Variants in OPCML observed in about 807,000 individuals in gnomAD.
OPCML encodes opioid-binding protein/cell adhesion molecule.
Under a neutral mutation model 37.8 loss-of-function variants are expected in OPCML, and 13 were observed. That is an observed-to-expected ratio of 0.34 (90% CI 0.22 to 0.55). OPCML has a LOEUF of 0.55. OPCML is among the 20% of genes least tolerant of loss of function. The pLI is 0.91. For synonymous variants in OPCML, 176 were observed against 168.8 expected, an observed-to-expected ratio of 1.04 and a Z score of -0.33; for missense variants, 341 against 435.6, an observed-to-expected ratio of 0.78 and a Z score of 1.93.
intron 4 of OPCML, chr11:132,525,752 G>A (rs2096306454): frequency 6.6e-6 from 1 of 152,146 alleles, no homozygotes; most frequent in African/African-American, 2.4e-5. Context: ...AGAACATGCA[G>A]TTTTGTTACA....
chr11:132,723,856 G>A (rs913333210), intron 2 of OPCML, among the ~76,000 whole-genome samples: 3 of 152,172 alleles, frequency 2.0e-5, no homozygotes, highest in Admixed American at 6.5e-5. Context: ...CTGCTCCAGG[G>A]AAAATGAAAA....
intron 2 of OPCML, among the ~76,000 whole-genome samples, chr11:132,871,016 C>G (rs986558195): frequency 6.6e-6 from 1 of 152,052 alleles, no homozygotes; most frequent in African/African-American, 2.4e-5. Context: ...AACAATGTTT[C>G]CTGTTCCTGA....
intron 1 of OPCML, among the ~76,000 whole-genome samples, chr11:133,240,212 CAAAAAAA>C (rs35643678): frequency 3.0e-5 from 2 of 66,054 alleles, no homozygotes; most frequent in East Asian, 4.4e-4. Flanking sequence ...ACACTTGGGG[CAAAAAAA>C]AAAAAAAAAA....
chr11:132,514,879 A>G (rs73586948), intron 4 of OPCML, among the ~76,000 whole-genome samples: 3 of 152,102 alleles, frequency 2.0e-5, no homozygotes, highest in Non-Finnish European at 4.4e-5. Context: ...AGTGGCTCAG[A>G]TCTTCACCAG....
At chr11:132,669,652 T>A (rs1044831509) in intron 2 of OPCML, among the ~76,000 whole-genome samples, 1 of 152,222 alleles carries the variant, frequency 6.6e-6, no homozygotes, top group Non-Finnish European at 1.5e-5. Flanking sequence ...TCTTCCATCG[T>A]GACTCACTTA....
chr11:132,522,295 C>A (rs2096295854), intron 4 of OPCML, among the ~76,000 whole-genome samples: 1 of 152,036 alleles, frequency 6.6e-6, no homozygotes, highest in African/African-American at 2.4e-5. Flanking sequence ...TACACTCAGG[C>A]CAAAGAAATG....
chr11:132,636,127 G>C (rs1940481153), intron 3 of OPCML, among the ~76,000 whole-genome samples: 1 of 152,054 alleles, frequency 6.6e-6, no homozygotes, highest in South Asian at 2.1e-4. Flanking sequence ...CAGATTTTTA[G>C]GGTCGATGTA....
intron 2 of OPCML, among the ~76,000 whole-genome samples, chr11:132,681,887 G>C (rs979517297): frequency 1.3e-5 from 2 of 151,858 alleles, no homozygotes; most frequent in African/African-American, 4.8e-5. Context: ...CCCGGGAGGT[G>C]GAGCTTGCAG....
intron 3 of OPCML, among the ~76,000 whole-genome samples, chr11:132,635,763 C>G (rs1172400237): frequency 6.6e-6 from 1 of 152,128 alleles, no homozygotes; most frequent in African/African-American, 2.4e-5. Context: ...CTTAAGATTT[C>G]TTCTATTCAC....
At chr11:133,046,538 G>A (rs1215428003) in intron 1 of OPCML, among the ~76,000 whole-genome samples, 1 of 152,112 alleles carries the variant, frequency 6.6e-6, no homozygotes, top group African/African-American at 2.4e-5. Context: ...ACATCAGACA[G>A]CATCATAGGC....
At chr11:132,840,635 AATT>A (rs1941246160) in intron 2 of OPCML, among the ~76,000 whole-genome samples, 2 of 152,162 alleles carry the variant, frequency 1.3e-5, no homozygotes, top group Non-Finnish European at 2.9e-5. Flanking sequence ...GGTGTCATAA[AATT>A]ATTATCACAA....
chr11:132,929,659 A>G (rs1945130132), intron 2 of OPCML, among the ~76,000 whole-genome samples: 1 of 152,204 alleles, frequency 6.6e-6, no homozygotes, highest in African/African-American at 2.4e-5. Flanking sequence ...TAATGCAAAA[A>G]TCTTTCACAA....
chr11:132,722,280 T>C, intron 2 of OPCML, among the ~76,000 whole-genome samples: 1 of 151,792 alleles, frequency 6.6e-6, no homozygotes, highest in East Asian at 1.9e-4. Flanking sequence ...TACTTCTTTC[T>C]AACAGGTATC....
At chr11:132,652,349 A>AACACAC (rs5795793) in intron 3 of OPCML, among the ~76,000 whole-genome samples, 3,065 of 142,562 alleles carry the variant, frequency 0.021, 62 homozygotes, top group African/African-American at 0.045. Flanking sequence ...AAGAATGACA[A>AACACAC]ACACACACAC....
chr11:133,386,472 A>G (rs1404607251), intron 1 of OPCML, among the ~76,000 whole-genome samples: 3 of 152,158 alleles, frequency 2.0e-5, no homozygotes, highest in Non-Finnish European at 2.9e-5. Flanking sequence ...AGCTCCCAAC[A>G]ACGGCACTTC....
intron 4 of OPCML, among the ~76,000 whole-genome samples, chr11:132,503,960 G>A (rs185564569): frequency 3.2e-4 from 49 of 152,106 alleles, no homozygotes; most frequent in Admixed American, 5.9e-4. Context: ...AGATATAATG[G>A]TATCTTTTAT....
chr11:133,461,308 C>A (rs1035750215), intron 1 of OPCML, among the ~76,000 whole-genome samples: 17 of 151,856 alleles, frequency 1.1e-4, no homozygotes, highest in Non-Finnish European at 3.0e-5. Flanking sequence ...ATGACACCAT[C>A]TTATAGGTAA....
intron 2 of OPCML, among the ~76,000 whole-genome samples, chr11:132,873,047 G>T (rs529611412): frequency 6.6e-6 from 1 of 152,026 alleles, no homozygotes; most frequent in Admixed American, 6.5e-5. Flanking sequence ...AGCATGAAAG[G>T]TCCCCTCTGT....
At chr11:133,128,971 T>C (rs1949562579) in intron 1 of OPCML, among the ~76,000 whole-genome samples, 1 of 152,082 alleles carries the variant, frequency 6.6e-6, no homozygotes, top group South Asian at 2.1e-4. Flanking sequence ...ACAGCAATCA[T>C]CTTCGAGGCC....
Sources: allele counts gnomAD v4.1 joint callset (sites outside exome capture counted in the v4.1 genomes callset), GRCh38; gene constraint gnomAD v4.1.1; transcripts MANE v1.5; gene names NCBI Gene and HGNC (gene_info 2026-07-23, HGNC 2026-07-21).